Variants in CTNNAL1 observed in about 807,000 individuals in gnomAD.
CTNNAL1 encodes the protein alpha-catulin.
CTNNAL1 carries 69 observed loss-of-function variants against 93.6 expected under a neutral mutation model. That is an observed-to-expected ratio of 0.74 (90% CI 0.61 to 0.90). The LOEUF is 0.90. CTNNAL1 is among the 40% of genes least tolerant of loss of function. The pLI is 0.00. For missense variants in CTNNAL1, 836 were observed against 862.0 expected, an observed-to-expected ratio of 0.97 and a Z score of 0.38; for synonymous variants, 286 against 305.4, an observed-to-expected ratio of 0.94 and a Z score of 0.66.
chr9:108,983,528 T>C (rs150165696), intron 5 of CTNNAL1, among the ~76,000 whole-genome samples: 7 of 152,296 alleles, frequency 4.6e-5, no homozygotes, highest in Non-Finnish European at 8.8e-5. Context: ...TGCAAAACTA[T>C]ACCTTTATAC....
intron 5 of CTNNAL1, 32 bp from the exon 6 acceptor site, chr9:108,983,347 A>G: frequency 1.4e-6 from 2 of 1,423,712 alleles, no homozygotes; most frequent in Non-Finnish European, 1.8e-6. Flanking sequence ...TTATTTTAAT[A>G]TTTGATTTAT....
At chr9:108,970,566 T>C in intron 9 of CTNNAL1, 72 bp from the exon 10 acceptor site, 1 of 1,301,614 alleles carries the variant, frequency 7.7e-7, no homozygotes, top group East Asian at 2.8e-5. Flanking sequence ...CATTTTATAA[T>C]TAAAAAGAAA....
chr9:108,992,433 G>A (rs1034785496), intron 3 of CTNNAL1, among the ~76,000 whole-genome samples, 199 bp downstream of exon 3: 4 of 150,578 alleles, frequency 2.7e-5, no homozygotes, highest in East Asian at 1.9e-4. Flanking sequence ...GCATAGCCCC[G>A]GGAGGAACCC....
intron 4 of CTNNAL1, among the ~76,000 whole-genome samples, chr9:108,986,026 T>G (rs1831593238): frequency 6.6e-6 from 1 of 152,118 alleles, no homozygotes; most frequent in South Asian, 2.1e-4. Context: ...ACTTTCTTTT[T>G]TTTTTTAATT....
chr9:108,980,133 G>A (rs180807852), intron 6 of CTNNAL1, among the ~76,000 whole-genome samples: 1 of 152,180 alleles, frequency 6.6e-6, no homozygotes, highest in African/African-American at 2.4e-5. Flanking sequence ...AAGCCCAAAC[G>A]TCTATGTAGT....
At chr9:108,994,838 A>G (rs10979644) in intron 2 of CTNNAL1, among the ~76,000 whole-genome samples, 8,088 of 152,248 alleles carry the variant, frequency 0.053, 330 homozygotes, top group East Asian at 0.12. Context: ...CTCTGAGAGA[A>G]GCCAGTTGCC....
chr9:108,944,306 C>A (rs1369396030), intron 15 of CTNNAL1, among the ~76,000 whole-genome samples: 1 of 152,194 alleles, frequency 6.6e-6, no homozygotes, highest in Non-Finnish European at 1.5e-5. Context: ...TTCAGCCACA[C>A]AAATTATGTC....
At chr9:108,947,355 C>G (rs745725328) in intron 15 of CTNNAL1, among the ~76,000 whole-genome samples, 3 of 152,114 alleles carry the variant, frequency 2.0e-5, no homozygotes, top group Non-Finnish European at 2.9e-5. Flanking sequence ...CCTCGTGATC[C>G]ACCCACCTTG....
At chr9:108,968,943 A>G (rs1398690841) in intron 10 of CTNNAL1, among the ~76,000 whole-genome samples, 1 of 151,922 alleles carries the variant, frequency 6.6e-6, no homozygotes, top group African/African-American at 2.4e-5. Context: ...CAAAAGAACA[A>G]CTGCAAAACG....
Position 108,965,545 on chromosome 9 carries a change from T to C in CTNNAL1, c.1441-17A>G, listed in dbSNP as rs1830930693. ...AGAAATTATCTAAAGAAACACAATATACACCTGTGTGAATTTCAAAATCTT... is the reference window on the plus strand; with the variant it reads ...AGAAATTATCTAAAGAAACACAATACACACCTGTGTGAATTTCAAAATCTT... On this transcript the variant is annotated splice_polypyrimidine_tract_variant and intron_variant, in intron 10 of 18. Transcript: ENST00000325551. 11 of 1,464,596 alleles carry C rather than the reference T, an allele frequency of 7.5e-6. No homozygotes were observed. Among genetic ancestry groups the C allele is most frequent in the South Asian group, 2.8e-5 (2 of 72,528 alleles). The allele number at this position is 1,464,596 out of a possible 1,614,324, so 90.7% of individuals were successfully genotyped here. A position where few individuals can be genotyped will look rare whatever the true frequency, so the allele number is the denominator to read the frequency against.
intron 14 of CTNNAL1, among the ~76,000 whole-genome samples, chr9:108,949,816 C>T (rs1830505531): frequency 6.6e-6 from 1 of 151,994 alleles, no homozygotes; most frequent in Non-Finnish European, 1.5e-5. Context: ...TGCACTCCAG[C>T]CTGGGTGACA....
chr9:109,004,754 C>G (rs1826961750), intron 1 of CTNNAL1, among the ~76,000 whole-genome samples: 3 of 151,604 alleles, frequency 2.0e-5, no homozygotes, highest in Admixed American at 6.6e-5. Context: ...GCATTGCACT[C>G]CAGCCCGGGT....
At chr9:108,984,234 G>A (rs1831530532) in intron 5 of CTNNAL1, 113 bp downstream of exon 5, 3 of 660,544 alleles carry the variant, frequency 4.5e-6, no homozygotes, top group African/African-American at 3.6e-5. Context: ...TCAGGCCTAT[G>A]TTCTAAGTAA....
At chr9:108,986,818 A>G (rs1316279213) in intron 4 of CTNNAL1, among the ~76,000 whole-genome samples, 3 of 152,198 alleles carry the variant, frequency 2.0e-5, no homozygotes, top group African/African-American at 7.2e-5. Flanking sequence ...TGGCTGCATA[A>G]ATGTCTTCTT....
chr9:109,011,070 G>C (rs527867266), intron 1 of CTNNAL1, among the ~76,000 whole-genome samples: 1 of 152,212 alleles, frequency 6.6e-6, no homozygotes, highest in Non-Finnish European at 1.5e-5. Flanking sequence ...CATGAGTTGG[G>C]TAATAATACA....
At chr9:108,946,347 T>A (rs1000154177) in intron 15 of CTNNAL1, among the ~76,000 whole-genome samples, 6 of 151,696 alleles carry the variant, frequency 4.0e-5, no homozygotes, top group African/African-American at 1.5e-4. Context: ...GACATCATAT[T>A]TTACCCCTTT....
intron 8 of CTNNAL1, among the ~76,000 whole-genome samples, chr9:108,974,664 T>G (rs1831209477): frequency 6.6e-6 from 1 of 152,030 alleles, no homozygotes; most frequent in Admixed American, 6.6e-5. Context: ...AGTGAGACCC[T>G]ATCTCTACAA....
intron 9 of CTNNAL1, among the ~76,000 whole-genome samples, chr9:108,971,855 T>G (rs1206996255): frequency 6.6e-6 from 1 of 152,166 alleles, no homozygotes; most frequent in African/African-American, 2.4e-5. Context: ...AACACAAGTA[T>G]CAGGTGAAGC....
At chr9:109,010,037 AT>A (rs936620732) in intron 1 of CTNNAL1, among the ~76,000 whole-genome samples, 2 of 151,614 alleles carry the variant, frequency 1.3e-5, no homozygotes, top group African/African-American at 4.8e-5. Context: ...TTTTTTTATT[AT>A]TTTTTAAAGA....
Sources: allele counts gnomAD v4.1 joint callset (sites outside exome capture counted in the v4.1 genomes callset), GRCh38; gene constraint gnomAD v4.1.1; transcripts MANE v1.5; gene names NCBI Gene and HGNC (gene_info 2026-07-23, HGNC 2026-07-21).